The following TNFRSF11B variants were observed in gnomAD, a reference collection of about 807,000 sequenced individuals.
The protein encoded by TNFRSF11B is tumor necrosis factor receptor superfamily member 11B.
In TNFRSF11B, 16 loss-of-function variants were observed where a neutral mutation model predicts 43.4. The observed-to-expected ratio is 0.37, with a 90% confidence interval of 0.25 to 0.56. The LOEUF is 0.56. Among genes scored for constraint, TNFRSF11B ranks in the 20% least tolerant of loss-of-function variants. The probability of loss-of-function intolerance (pLI) is 0.80; values close to 1 mark genes in which losing one functional copy is unlikely to be tolerated. For missense variants in TNFRSF11B, 444 were observed against 490.1 expected (o/e 0.91, Z 0.89); for synonymous variants, 185 against 181.8 (o/e 1.02, Z -0.14).
chr8:118,929,479 G>A (rs1047302119), intron 2 of TNFRSF11B, among the ~76,000 whole-genome samples: 2 of 152,192 alleles, frequency 1.3e-5, no homozygotes, highest in African/African-American at 4.8e-5. Flanking sequence ...AACTTTTGAA[G>A]GTGGCAATAA....
At chr8:118,938,895 G>T (rs1265735962) in intron 1 of TNFRSF11B, among the ~76,000 whole-genome samples, 3 of 152,200 alleles carry the variant, frequency 2.0e-5, no homozygotes, top group Admixed American at 2.0e-4. Context: ...CTTTCTGTAT[G>T]CAGAACCATG....
chr8:118,938,576 T>G (rs1249511222), intron 1 of TNFRSF11B, among the ~76,000 whole-genome samples: 1 of 152,170 alleles, frequency 6.6e-6, no homozygotes, highest in East Asian at 1.9e-4. Context: ...CCTTCACGCA[T>G]TGTCCAAAAG....
chr8:118,950,986 A>G (rs764435382), intron 1 of TNFRSF11B, among the ~76,000 whole-genome samples: 4 of 152,204 alleles, frequency 2.6e-5, no homozygotes, highest in Non-Finnish European at 5.9e-5. Flanking sequence ...GTCATAGAGA[A>G]AATAAGTCAT....
At chr8:118,943,367 A>G (rs981247228) in intron 1 of TNFRSF11B, among the ~76,000 whole-genome samples, 1 of 152,154 alleles carries the variant, frequency 6.6e-6, no homozygotes, top group African/African-American at 2.4e-5. Flanking sequence ...AAAAAGGATG[A>G]GAAGTATACT....
At chr8:118,927,473 GA>G (rs1280215940) in intron 3 of TNFRSF11B, among the ~76,000 whole-genome samples, 1 of 148,138 alleles carries the variant, frequency 6.8e-6, no homozygotes, top group Non-Finnish European at 1.5e-5. Context: ...CACAATAAAT[GA>G]AAAAAAGTAA....
chr8:118,929,512 G>A lies in TNFRSF11B; in HGVS notation c.401-583C>T, dbSNP rs570300310. On this transcript the variant is annotated intron_variant, in intron 2 of 4. Coordinates refer to ENST00000297350, the MANE Select transcript of TNFRSF11B (RefSeq NM_002546.4). Reference sequence around the variant, plus strand: ...TAAAGTTGGCCGCTGACTCAAAAGCGTAAGCCTGCAGTTAAGCTACATAGT... The same window carrying A: ...TAAAGTTGGCCGCTGACTCAAAAGCATAAGCCTGCAGTTAAGCTACATAGT... Among the ~76,000 whole-genome samples, 41 of 152,316 alleles carry A rather than the reference G, an allele frequency of 2.7e-4. No homozygotes were observed. In the Middle Eastern group the frequency reaches 0.01, roughly 38 times the overall value.
chr8:118,941,703 G>T (rs901138947), intron 1 of TNFRSF11B, among the ~76,000 whole-genome samples: 3 of 151,962 alleles, frequency 2.0e-5, no homozygotes, highest in Non-Finnish European at 4.4e-5. Flanking sequence ...ATATTTGACA[G>T]ATTAACAAAT....
In TNFRSF11B at chr8:118,924,742, T is replaced by C; in HGVS notation, c.838A>G (p.Ser280Gly). The part of the protein sequence containing the change: ...IIQDIDLCEN[S>G]VQRHIGHANL... The stretch of plus-strand genomic sequence containing the variant: ...GCATGTCCAATGTGCCGCTGCACGC[T>C]GTTTTCACAGAGGTCAATATCTGCA... Residue 280 changes from serine to glycine, a missense_variant, in exon 5 of 5, where the codon AGC becomes GGC. Ser to Gly is a moderately conservative substitution (Grantham distance 56). Coordinates refer to ENST00000297350, the MANE Select transcript of TNFRSF11B (RefSeq NM_002546.4). The C allele has an allele frequency of 6.2e-7, 1 of 1,614,200 alleles. No individual in the cohort carries two copies.
At chr8:118,940,076 A>G (rs187020514) in intron 1 of TNFRSF11B, among the ~76,000 whole-genome samples, 2 of 152,310 alleles carry the variant, frequency 1.3e-5, no homozygotes, top group African/African-American at 4.8e-5. Context: ...AAACTATCAC[A>G]AGGACAGAAA....
chr8:118,941,423 G>A (rs1007274506), intron 1 of TNFRSF11B, among the ~76,000 whole-genome samples: 1 of 152,128 alleles, frequency 6.6e-6, no homozygotes, highest in Non-Finnish European at 1.5e-5. Flanking sequence ...GGCAAACAGG[G>A]GAAAAGAAGC....
rs538794143 is a variant in TNFRSF11B at position 118,924,248 on chromosome 8, C to T, written c.*126G>A. ...TCCACATCATAGTTTCTTTTAGTAC[C>T]CTGTGGCAAAATTAGTCACTGGTAA... On this transcript the variant is annotated 3_prime_UTR_variant, in exon 5 of 5. Coordinates refer to ENST00000297350, the MANE Select transcript of TNFRSF11B (RefSeq NM_002546.4). 65 of 1,099,486 alleles carry T rather than the reference C, an allele frequency of 5.9e-5. No homozygotes were observed. The highest frequency in any genetic ancestry group is 8.6e-5 in the Non-Finnish European group (63 of 729,030). 68.1% of individuals were successfully genotyped at this position (1,099,486 alleles called of 1,614,324 possible).
chr8:118,935,132 T>C (rs781098983), intron 1 of TNFRSF11B, among the ~76,000 whole-genome samples: 4 of 152,184 alleles, frequency 2.6e-5, no homozygotes, highest in Non-Finnish European at 4.4e-5. Flanking sequence ...GCTGCTTCAG[T>C]GGTCTTTTCA....
chr8:118,941,734 C>T (rs531705210), intron 1 of TNFRSF11B, among the ~76,000 whole-genome samples: 117 of 151,566 alleles, frequency 7.7e-4, no homozygotes, highest in Admixed American at 1.3e-3. Context: ...AAACAAAAAA[C>T]AAAAACAAGA....
At chr8:118,931,269 G>A (rs1251767925) in intron 2 of TNFRSF11B, among the ~76,000 whole-genome samples, 1 of 152,192 alleles carries the variant, frequency 6.6e-6, no homozygotes, top group African/African-American at 2.4e-5. Flanking sequence ...GAACTGCTGT[G>A]TGGGTTTTTA....
chr8:118,947,010 G>A (rs1348289224), intron 1 of TNFRSF11B, among the ~76,000 whole-genome samples: 1 of 152,188 alleles, frequency 6.6e-6, no homozygotes, highest in African/African-American at 2.4e-5. Context: ...AACTGGTACA[G>A]CCAGGCTTAG....
intron 4 of TNFRSF11B, among the ~76,000 whole-genome samples, chr8:118,925,944 T>A (rs1465682603): frequency 2.0e-5 from 3 of 152,246 alleles, no homozygotes; most frequent in Non-Finnish European, 4.4e-5. Context: ...ACTAGCTTTT[T>A]CCTACAAGAG....
At chr8:118,929,678 C>T (rs1812298819) in intron 2 of TNFRSF11B, among the ~76,000 whole-genome samples, 2 of 151,178 alleles carry the variant, frequency 1.3e-5, no homozygotes, top group South Asian at 4.4e-4. Flanking sequence ...GGCAGAAAAA[C>T]TTGAACCAGT....
chr8:118,944,262 G>T (rs767140234), intron 1 of TNFRSF11B, among the ~76,000 whole-genome samples: 23 of 152,220 alleles, frequency 1.5e-4, no homozygotes, highest in Middle Eastern at 6.8e-3. Flanking sequence ...ATTGTCCTCT[G>T]TCCGGGACCT....
At chr8:118,948,367 T>A (rs1563694582) in intron 1 of TNFRSF11B, among the ~76,000 whole-genome samples, 1 of 152,074 alleles carries the variant, frequency 6.6e-6, no homozygotes, top group Non-Finnish European at 1.5e-5. Context: ...GAGAAAATAA[T>A]GCTTTTTACA....
Sources: allele counts gnomAD v4.1 joint callset (sites outside exome capture counted in the v4.1 genomes callset), GRCh38; gene constraint gnomAD v4.1.1; transcripts MANE v1.5; gene names NCBI Gene and HGNC (gene_info 2026-07-23, HGNC 2026-07-21).